The following LANCL3 variants were observed in gnomAD, a reference collection of about 807,000 sequenced individuals.
LANCL3 encodes lanC-like protein 3.
LANCL3 carries 19 observed loss-of-function variants against 26.5 expected under a neutral mutation model. The ratio of observed to expected loss-of-function variants is 0.72; its 90% CI spans 0.50 to 1.05. LANCL3 has a LOEUF of 1.05. Among genes scored for constraint, LANCL3 ranks in the 50% least tolerant of loss-of-function variants. The pLI is 0.00. For missense variants in LANCL3, 318 were observed against 362.7 expected, an observed-to-expected ratio of 0.88 and a Z score of 1.00; for synonymous variants, 160 against 166.6, an observed-to-expected ratio of 0.96 and a Z score of 0.30.
At chrX:37,639,268 C>A (rs1341791036) in intron 1 of LANCL3, among the ~76,000 whole-genome samples, 1 of 100,698 alleles carries the variant, frequency 9.9e-6, no homozygotes, top group East Asian at 3.2e-4. Context: ...CATATATATA[C>A]ATACATGTAT....
intron 1 of LANCL3, among the ~76,000 whole-genome samples, chrX:37,602,522 A>T (rs955817903): frequency 9.0e-6 from 1 of 111,430 alleles, no homozygotes; most frequent in African/African-American, 3.3e-5. Context: ...TCTTTAAAAA[A>T]TTTTCTTTAG....
chrX:37,643,961 C>T (rs1465265935), intron 1 of LANCL3, among the ~76,000 whole-genome samples: 1 of 111,712 alleles, frequency 9.0e-6, no homozygotes, highest in Non-Finnish European at 1.9e-5. Flanking sequence ...CTACTTTTTA[C>T]AAATGAGAAG....
At chrX:37,656,666 T>C (rs1926292821) in intron 2 of LANCL3, among the ~76,000 whole-genome samples, 1 of 112,579 alleles carries the variant, frequency 8.9e-6, no homozygotes, top group African/African-American at 3.2e-5. Flanking sequence ...ATACTTCTAT[T>C]GGAGCCCTTA....
chrX:37,672,754 T>C (rs1187143975), intron 4 of LANCL3, among the ~76,000 whole-genome samples: 1 of 111,820 alleles, frequency 8.9e-6, no homozygotes, highest in East Asian at 2.8e-4. Flanking sequence ...AGAAAGGTCC[T>C]GTGATGCTTT....
At chrX:37,664,235 C>G (rs1427417951) in intron 3 of LANCL3, among the ~76,000 whole-genome samples, 3 of 111,625 alleles carry the variant, frequency 2.7e-5, no homozygotes, top group Non-Finnish European at 5.7e-5. Context: ...GATGGTGTCA[C>G]CCCTCTAGTA....
intron 1 of LANCL3, among the ~76,000 whole-genome samples, chrX:37,589,920 T>TGAC (rs1454846937): frequency 8.9e-6 from 1 of 112,154 alleles, no homozygotes; most frequent in Non-Finnish European, 1.9e-5. Flanking sequence ...AGGCAGATTA[T>TGAC]ATGTCAAAGT....
In LANCL3 at chrX:37,572,219, C is replaced by G; in HGVS notation, c.349C>G (p.Arg117Gly). Residue 117 changes from arginine (R) to glycine (G), a missense_variant, in exon 1 of 5, where the codon CGC (arginine) becomes GGC (glycine). Arg to Gly is a moderately radical substitution (Grantham distance 125). Coordinates refer to ENST00000378619, the MANE Select transcript of LANCL3 (RefSeq NM_001170331.2). ...GTGGGGCGAACCGGACGCCGACACC[C>G]GCGCCGCCTTCCTGCTCGGGGGCGC... ...EEWGEPDADT[R>G]AAFLLGGAGV... is the part of the protein sequence containing the mutation. 4.3e-6 allele frequency: 5 copies of G among 1,156,840 alleles called. No homozygotes were observed. The highest frequency in any genetic ancestry group is 5.7e-6 in the Non-Finnish European group (5 of 871,686).
intron 3 of LANCL3, among the ~76,000 whole-genome samples, chrX:37,660,209 C>T (rs2146784429): frequency 9.0e-6 from 1 of 111,565 alleles, no homozygotes; most frequent in Admixed American, 9.6e-5. Flanking sequence ...AATGTGGCCC[C>T]TGGAACCAGT....
chrX:37,576,181 A>AT (rs1302262835), intron 1 of LANCL3, among the ~76,000 whole-genome samples: 1 of 110,112 alleles, frequency 9.1e-6, no homozygotes, highest in African/African-American at 3.3e-5. Flanking sequence ...TTTTTATTTG[A>AT]TTTTGTTGTT....
At chrX:37,662,945 G>A (rs1218185090) in intron 3 of LANCL3, among the ~76,000 whole-genome samples, 1 of 110,740 alleles carries the variant, frequency 9.0e-6, no homozygotes, top group Non-Finnish European at 1.9e-5. Flanking sequence ...TGTGATCCAG[G>A]ATGCAGGAAG....
At chrX:37,592,162 T>C in intron 1 of LANCL3, among the ~76,000 whole-genome samples, 1 of 111,764 alleles carries the variant, frequency 8.9e-6, no homozygotes, top group South Asian at 3.8e-4. Context: ...TGGCAGCCAC[T>C]GCCTCCAACA....
At chrX:37,652,986 G>A (rs782144374) in intron 1 of LANCL3, among the ~76,000 whole-genome samples, 12 of 111,302 alleles carry the variant, frequency 1.1e-4, no homozygotes, top group African/African-American at 3.3e-4. Flanking sequence ...TTTATTTGCT[G>A]ATCAGTAAAC....
chrX:37,572,382 T>C lies in LANCL3; in HGVS notation c.512T>C (p.Phe171Ser), dbSNP rs5963719. ...SFLECGSDEL[F>S]VGRAGYLCAA... Reference sequence around the variant, plus strand: ...CTGGAGTGCGGCTCCGACGAGCTGTTCGTGGGCCGCGCGGGTTACCTGTGT... The same window carrying C: ...CTGGAGTGCGGCTCCGACGAGCTGTCCGTGGGCCGCGCGGGTTACCTGTGT... Residue 171 changes from phenylalanine to serine, a missense_variant, in exon 1 of 5, where the codon TTC (phenylalanine) becomes TCC (serine). By Grantham distance (155) the Phe-to-Ser change is radical. Transcript: ENST00000378619. 2.5e-3 allele frequency: 2,938 copies of C among 1,169,967 alleles called. 8 individuals carry two copies. Among genetic ancestry groups the C allele is most frequent in the Non-Finnish European group, 2.8e-3 (2,403 of 873,660 alleles).
At chrX:37,574,561 C>T (rs371572662) in intron 1 of LANCL3, among the ~76,000 whole-genome samples, 161 of 111,979 alleles carry the variant, frequency 1.4e-3, no homozygotes, top group African/African-American at 4.9e-3. Flanking sequence ...CCACTCAAGC[C>T]GTTCCATCTA....
chrX:37,633,156 T>C (rs1333772845), intron 1 of LANCL3, among the ~76,000 whole-genome samples: 1 of 110,333 alleles, frequency 9.1e-6, no homozygotes, highest in African/African-American at 3.3e-5. Context: ...TTCGTTTTTT[T>C]TTTTTTATTC....
intron 1 of LANCL3, among the ~76,000 whole-genome samples, chrX:37,624,838 G>A (rs1486760086): frequency 8.9e-6 from 1 of 111,909 alleles, no homozygotes; most frequent in African/African-American, 3.2e-5. Context: ...AGTGGTGGAT[G>A]TGACAGTAGT....
chrX:37,593,086 T>G (rs1924333329), intron 1 of LANCL3, among the ~76,000 whole-genome samples: 1 of 111,791 alleles, frequency 8.9e-6, no homozygotes, highest in Non-Finnish European at 1.9e-5. Context: ...AACATATCTT[T>G]AGCTATGCAA....
At chrX:37,602,384 T>C (rs1924596785) in intron 1 of LANCL3, among the ~76,000 whole-genome samples, 1 of 111,926 alleles carries the variant, frequency 8.9e-6, no homozygotes, top group Non-Finnish European at 1.9e-5. Context: ...AAGAAAACTC[T>C]GTACCATTAA....
chrX:37,663,993 A>G (rs183499928), intron 3 of LANCL3, among the ~76,000 whole-genome samples: 13 of 111,948 alleles, frequency 1.2e-4, no homozygotes, highest in African/African-American at 4.2e-4. Context: ...AAGGAAGTCA[A>G]TATTTTGTAT....
Sources: allele counts gnomAD v4.1 joint callset (sites outside exome capture counted in the v4.1 genomes callset), GRCh38; gene constraint gnomAD v4.1.1; transcripts MANE v1.5; gene names NCBI Gene and HGNC (gene_info 2026-07-23, HGNC 2026-07-21).